The following HDC variants were observed in gnomAD, a reference collection of about 807,000 sequenced individuals.
HDC encodes histidine decarboxylase.
In HDC, 27 loss-of-function variants were observed where a neutral mutation model predicts 64.4. The ratio of observed to expected loss-of-function variants is 0.42; its 90% CI spans 0.31 to 0.58. The LOEUF (loss-of-function observed/expected upper bound fraction) is 0.58. HDC is among the 20% of genes least tolerant of loss of function. HDC has a pLI of 0.16. For missense variants in HDC, 711 were observed against 833.9 expected, an observed-to-expected ratio of 0.85 and a Z score of 1.81; for synonymous variants, 305 against 314.2, an observed-to-expected ratio of 0.97 and a Z score of 0.31.
At chr15:50,263,094 A>T (rs1420220412) in intron 2 of HDC, 141 bp downstream of exon 2, 3 of 841,734 alleles carry the variant, frequency 3.6e-6, no homozygotes, top group Non-Finnish European at 4.1e-6. Context: ...TGCCTAGCAG[A>T]TGGGCTGGGG....
chr15:50,254,372 T>G, intron 5 of HDC, 99 bp from the exon 6 acceptor site: 1 of 1,547,128 alleles, frequency 6.5e-7, no homozygotes, highest in East Asian at 2.2e-5. Flanking sequence ...AATATGATCA[T>G]TGGAAGCTTG....
chr15:50,248,186 C>T lies in HDC; in HGVS notation c.1140+59G>A. The T allele has an allele frequency of 8.0e-7, 1 of 1,257,022 alleles. No individual in the cohort carries two copies. The highest frequency in any genetic ancestry group is 2.3e-5 in the East Asian group (1 of 42,906). The allele number at this position is 1,257,022 out of a possible 1,614,324, so 77.9% of individuals were successfully genotyped here. ...GATCTGCAAAGTAGAAACCAGCCTT[C>T]CTCGCCATGAGAAAACAGAGGAACA... On this transcript the variant is annotated intron_variant, in intron 10 of 11. Transcript: ENST00000267845. The surrounding 1 kb of genome is among the most constrained non-coding windows in gnomAD (Gnocchi z 4.3).
intron 9 of HDC, among the ~76,000 whole-genome samples, chr15:50,250,797 CA>C (rs2045544138): frequency 6.6e-6 from 1 of 152,048 alleles, no homozygotes; most frequent in South Asian, 2.1e-4. Flanking sequence ...GATAAAGAAC[CA>C]TTATTTTTCT....
In HDC at chr15:50,254,204, T is replaced by C. The variant is rs1288124934; in HGVS notation, c.646A>G (p.Asn216Asp). The C allele has an allele frequency of 6.2e-7, 1 of 1,614,044 alleles. No individual in the cohort carries two copies. Among genetic ancestry groups the C allele is most frequent in the Non-Finnish European group, 8.5e-7 (1 of 1,180,020 alleles). ...VKMKFLPVDD[N>D]FSLRGEALQK... ...AGAGCTTCCCCTCGGAGTGAGAAGT[T>C]GTCATCCACAGGCAGAAATTTCATC... The change falls in exon 6 of 12, where the codon AAC (asparagine) becomes GAC (aspartate). Residue 216 changes from asparagine to aspartate, a missense_variant. Transcript: ENST00000267845.
At chr15:50,255,856 CA>C (rs946084687) in intron 4 of HDC, among the ~76,000 whole-genome samples, 2 of 152,126 alleles carry the variant, frequency 1.3e-5, no homozygotes, top group African/African-American at 4.8e-5. Flanking sequence ...TCATAGTTTA[CA>C]AAACACTTTC....
At chr15:50,257,126 T>C (rs1348691996) in intron 4 of HDC, among the ~76,000 whole-genome samples, 1 of 152,160 alleles carries the variant, frequency 6.6e-6, no homozygotes, top group East Asian at 1.9e-4. Flanking sequence ...AGATACAAAA[T>C]GGGACACCAA....
chr15:50,258,069 T>C (rs2045655456), intron 3 of HDC, among the ~76,000 whole-genome samples: 1 of 152,154 alleles, frequency 6.6e-6, no homozygotes, highest in Non-Finnish European at 1.5e-5. Flanking sequence ...GGTGACTCAA[T>C]AGGCATCAAA....
intron 10 of HDC, among the ~76,000 whole-genome samples, chr15:50,246,801 C>T (rs559594232): frequency 2.6e-5 from 4 of 152,308 alleles, no homozygotes; most frequent in South Asian, 4.1e-4. Flanking sequence ...AACCATTCCC[C>T]GCCCACAACC....
rs1443689063 is a variant in HDC at position 50,253,654 on chromosome 15, G to A, written c.733C>T (p.Leu245=). 1 of 1,613,384 alleles carries A rather than the reference G, an allele frequency of 6.2e-7. No individual in the cohort carries two copies. The highest frequency in any genetic ancestry group is 8.5e-7 in the Non-Finnish European group (1 of 1,179,952). The change falls in exon 7 of 12, where the codon CTA becomes TTA. Residue 245 remains leucine, a synonymous_variant. Coordinates refer to ENST00000267845, the MANE Select transcript of HDC (RefSeq NM_002112.4). The part of the protein sequence containing the change: ...GLVPVFVCAT[L]GTTGVCAFDC... ...AATGCACAGACCCCAGTGGTCCCTA[G>A]TGTTGCACAGACCTAGGGGAAAATT...
chr15:50,241,983 T>TA lies in HDC; in HGVS notation c.*276dup, dbSNP rs2140920845. On this transcript the variant is annotated 3_prime_UTR_variant, in exon 12 of 12. Transcript: ENST00000267845. ...GGACAAGCATAATTTATTTCTGTGT[T>TA]ATATATCATGTCACAAGCTGAACCA... 3.7e-6 allele frequency: 2 copies of TA among 544,582 alleles called. No homozygotes were observed. Among genetic ancestry groups the TA allele is most frequent in the Non-Finnish European group, 6.6e-6 (2 of 304,374 alleles). 33.7% of individuals were successfully genotyped at this position (544,582 alleles called of 1,614,324 possible).
intron 2 of HDC, among the ~76,000 whole-genome samples, chr15:50,260,105 C>A (rs186238788): frequency 2.0e-5 from 3 of 151,790 alleles, no homozygotes; most frequent in African/African-American, 7.3e-5. Context: ...CAGTGCAACC[C>A]CTGGCTCCCA....
At chr15:50,247,563 G>A (rs2045498535) in intron 10 of HDC, among the ~76,000 whole-genome samples, 1 of 152,126 alleles carries the variant, frequency 6.6e-6, no homozygotes, top group Non-Finnish European at 1.5e-5. Flanking sequence ...CAATGGCTTT[G>A]TCTTGCATGT....
At chr15:50,265,141 T>C (rs2045750830) in intron 1 of HDC, among the ~76,000 whole-genome samples, 1 of 152,192 alleles carries the variant, frequency 6.6e-6, no homozygotes, top group Admixed American at 6.5e-5. Context: ...TACTAAATAT[T>C]TATGAAATGA....
intron 2 of HDC, 31 bp from the exon 3 acceptor site, chr15:50,258,548 C>T: frequency 7.5e-7 from 1 of 1,337,392 alleles, no homozygotes; most frequent in South Asian, 1.2e-5. Flanking sequence ...GAGTTGGCAC[C>T]AGGAGGCATT....
chr15:50,242,203 G>A lies in HDC; in HGVS notation c.*57C>T. ...GCACACAAAGTTGGCATACAATTGT[G>A]AGGGGTTCACAGAGTCCCTGAAGTA... On this transcript the variant is annotated 3_prime_UTR_variant, in exon 12 of 12. Coordinates refer to ENST00000267845, the MANE Select transcript of HDC (RefSeq NM_002112.4). The A allele has an allele frequency of 7.1e-7, 1 of 1,406,942 alleles. No homozygotes were observed. The highest frequency in any genetic ancestry group is 1.0e-6 in the Non-Finnish European group (1 of 992,748). The allele number at this position is 1,406,942 out of a possible 1,614,324, so 87.2% of individuals were successfully genotyped here. A position where few individuals can be genotyped will look rare whatever the true frequency, so the allele number is the denominator to read the frequency against.
chr15:50,246,451 C>T (rs1170719270), intron 10 of HDC, among the ~76,000 whole-genome samples: 2 of 152,156 alleles, frequency 1.3e-5, no homozygotes, highest in Non-Finnish European at 2.9e-5. Context: ...GGCAGAAAAG[C>T]TTCTAGTGGA....
intron 10 of HDC, among the ~76,000 whole-genome samples, chr15:50,246,084 A>G (rs543185953): frequency 1.3e-5 from 2 of 152,332 alleles, no homozygotes; most frequent in South Asian, 4.1e-4. Flanking sequence ...GCCCAGAACT[A>G]TGAAGAAAGG....
At chr15:50,258,283 T>C in intron 3 of HDC, 121 bp downstream of exon 3, 1 of 709,996 alleles carries the variant, frequency 1.4e-6, no homozygotes, top group Non-Finnish European at 2.6e-6. Flanking sequence ...TTAAAGAATA[T>C]AGCCCTCATT....
intron 3 of HDC, among the ~76,000 whole-genome samples, chr15:50,258,163 G>T (rs1207092113): frequency 6.6e-6 from 1 of 152,140 alleles, no homozygotes; most frequent in African/African-American, 2.4e-5. Flanking sequence ...GTGTGATCTG[G>T]GGGAGATAAG....
Sources: gnomAD v4.1 joint callset for allele counts (sites outside exome capture counted in the v4.1 genomes callset) on GRCh38, gnomAD v4.1.1 for gene constraint, Gnocchi (gnomAD v3.1) non-coding constraint, MANE v1.5 for transcripts, NCBI Gene and HGNC (gene_info 2026-07-23, HGNC 2026-07-21) for gene names.